The following YAP1 variants were observed in gnomAD, a reference collection of about 807,000 sequenced individuals.
YAP1 encodes Yes1 associated transcriptional regulator.
A neutral mutation model predicts 56.9 loss-of-function variants in YAP1; 5 were observed. The observed-to-expected ratio is 0.09, with a 90% confidence interval of 0.05 to 0.18. The LOEUF is 0.18. Ranked by LOEUF, YAP1 falls within the 10% of genes least tolerant of loss-of-function variation. YAP1 has a pLI of 1.00. For synonymous variants in YAP1, 265 were observed against 248.1 expected (o/e 1.07, Z -0.64); for missense variants, 539 against 651.8 (o/e 0.83, Z 1.88).
In YAP1 at chr11:102,230,692, G is replaced by C. The variant is rs529590110; in HGVS notation, c.*752G>C. On this transcript the variant is annotated 3_prime_UTR_variant, in exon 9 of 9. Coordinates refer to ENST00000282441, the MANE Select transcript of YAP1 (RefSeq NM_001130145.3). ...TTTTTTTGTTTTTGGCAGGGTCGGT[G>C]GGGGGGTTGGTTGGTTGGTTGGTTT... 6.6e-6 allele frequency: 1 copy of C among 152,326 alleles called. No homozygotes were observed. The highest frequency in any genetic ancestry group is 2.4e-5 in the African/African-American group (1 of 41,450). 9.4% of individuals were successfully genotyped at this position (152,326 alleles called of 1,614,324 possible). A position where few individuals can be genotyped will look rare whatever the true frequency, so the allele number is the denominator to read the frequency against.
At chr11:102,181,913 C>T (rs1947648634) in intron 3 of YAP1, among the ~76,000 whole-genome samples, 1 of 152,170 alleles carries the variant, frequency 6.6e-6, no homozygotes, top group African/African-American at 2.4e-5. Flanking sequence ...CTCCACCTCC[C>T]AGATTCAAGT....
At chr11:102,128,733 C>T (rs1463215605) in intron 2 of YAP1, among the ~76,000 whole-genome samples, 1 of 152,178 alleles carries the variant, frequency 6.6e-6, no homozygotes, top group African/African-American at 2.4e-5. Context: ...GAATTTTGTT[C>T]AGAAGGTTTG....
chr11:102,147,177 C>G (rs1036248421), intron 2 of YAP1, among the ~76,000 whole-genome samples: 3 of 152,194 alleles, frequency 2.0e-5, no homozygotes, highest in Non-Finnish European at 4.4e-5. Flanking sequence ...CACGTAACCA[C>G]TGTTATATAC....
chr11:102,187,843 C>T (rs1171549573), intron 4 of YAP1, among the ~76,000 whole-genome samples: 1 of 152,162 alleles, frequency 6.6e-6, no homozygotes, highest in Non-Finnish European at 1.5e-5. Context: ...CACAGGCATA[C>T]AGTTAGATGT....
intron 6 of YAP1, among the ~76,000 whole-genome samples, chr11:102,213,782 A>C (rs1949531281): frequency 6.6e-6 from 1 of 152,082 alleles, no homozygotes. Context: ...AAGTGCCCTT[A>C]TGAGAATTCT....
intron 4 of YAP1, among the ~76,000 whole-genome samples, chr11:102,190,222 A>T (rs1364348240): frequency 6.6e-6 from 1 of 152,198 alleles, no homozygotes; most frequent in Non-Finnish European, 1.5e-5. Flanking sequence ...TATCAACTCA[A>T]GTCTTTCCTG....
chr11:102,174,124 T>C (rs891814802), intron 3 of YAP1, among the ~76,000 whole-genome samples: 1 of 152,226 alleles, frequency 6.6e-6, no homozygotes, highest in Non-Finnish European at 1.5e-5. Flanking sequence ...TAGAATACTG[T>C]TGAATGGCTT....
chr11:102,114,812 A>T (rs1463776234), intron 2 of YAP1, among the ~76,000 whole-genome samples: 1 of 152,208 alleles, frequency 6.6e-6, no homozygotes, highest in Non-Finnish European at 1.5e-5. Context: ...TAAATATTTT[A>T]TTGGTAGAGA....
At chr11:102,177,784 A>G (rs1273557394) in intron 3 of YAP1, among the ~76,000 whole-genome samples, 2 of 152,186 alleles carry the variant, frequency 1.3e-5, no homozygotes, top group African/African-American at 2.4e-5. Flanking sequence ...TGAAGTGTCA[A>G]ATGTCCAGTT....
intron 2 of YAP1, among the ~76,000 whole-genome samples, chr11:102,162,255 T>G (rs1487786996): frequency 6.6e-6 from 1 of 152,168 alleles, no homozygotes; most frequent in Non-Finnish European, 1.5e-5. Flanking sequence ...GTTGCACTTG[T>G]AAGATCTAAG....
At position 102,199,431 on chromosome 11, in the gene YAP1, G is replaced by A. The variant is rs192916830; in HGVS notation, c.803-6462G>A. On this transcript the variant is annotated intron_variant, in intron 4 of 8. Coordinates refer to ENST00000282441, the MANE Select transcript of YAP1 (RefSeq NM_001130145.3). ...GTCCCAAAAATTGTTGGCTTTTTTC[G>A]TATCCATTGCCCTATAAAATAATAA... Among the ~76,000 whole-genome samples the A allele has an allele frequency of 3.7e-3, 565 of 152,140 alleles. 5 individuals are homozygous for A. The highest frequency in any genetic ancestry group is 0.01 in the Middle Eastern group (3 of 294).
chr11:102,208,302 C>T (rs544371837), intron 5 of YAP1, among the ~76,000 whole-genome samples: 1 of 152,288 alleles, frequency 6.6e-6, no homozygotes, highest in South Asian at 2.1e-4. Flanking sequence ...ATCTGGAACT[C>T]ACTTGGTTAT....
chr11:102,212,487 T>C (rs1949449708), intron 6 of YAP1, among the ~76,000 whole-genome samples: 6 of 152,250 alleles, frequency 3.9e-5, no homozygotes, highest in Admixed American at 3.3e-4. Flanking sequence ...CTTAGTTAAA[T>C]ATGGAAATTA....
chr11:102,173,239 C>T (rs1275093957), intron 3 of YAP1, among the ~76,000 whole-genome samples: 1 of 152,064 alleles, frequency 6.6e-6, no homozygotes, highest in Non-Finnish European at 1.5e-5. Context: ...CCTCTAATAC[C>T]ATATTGCTAG....
chr11:102,159,353 T>G (rs1483888970), intron 2 of YAP1, among the ~76,000 whole-genome samples: 3 of 152,248 alleles, frequency 2.0e-5, no homozygotes, highest in Non-Finnish European at 2.9e-5. Context: ...TTCCCTAAGC[T>G]GATAGCTCTC....
At chr11:102,213,422 G>A (rs1949508377) in intron 6 of YAP1, among the ~76,000 whole-genome samples, 1 of 152,190 alleles carries the variant, frequency 6.6e-6, no homozygotes. Flanking sequence ...GGAGGCAGAG[G>A]TTGCAGTGAG....
In YAP1 at chr11:102,110,822, G is replaced by T; in HGVS notation, c.-27G>T. 7.3e-7 allele frequency: 1 copy of T among 1,374,010 alleles called. No homozygotes were observed. The highest frequency in any genetic ancestry group is 9.4e-7 in the Non-Finnish European group (1 of 1,065,008). 85.1% of individuals were successfully genotyped at this position (1,374,010 alleles called of 1,614,324 possible). On this transcript the variant is annotated 5_prime_UTR_variant, in exon 1 of 9. Transcript: ENST00000282441. ...GTAGCCCTCGCTCGCCTGGGTCAGG[G>T]GGTGCGCGTCGGGGGAGGCAGAAGC...
intron 7 of YAP1, among the ~76,000 whole-genome samples, chr11:102,224,912 G>A (rs931346616): frequency 3.9e-5 from 6 of 152,136 alleles, no homozygotes; most frequent in Admixed American, 2.0e-4. Context: ...TACCTGTCTT[G>A]TTGAAGGGGC....
chr11:102,151,021 AAATGCCTGACCCCGTGGTTGCTGGTCTCG>A (rs1015411300), intron 2 of YAP1, among the ~76,000 whole-genome samples: 3 of 151,394 alleles, frequency 2.0e-5, no homozygotes, highest in Non-Finnish European at 4.4e-5. Flanking sequence ...GGCTGGTCTC[AAATGCCTGACCCCGTGGTTGCTGGTCTCG>A]AATGCCTGAC....
Sources: gnomAD v4.1 joint callset for allele counts (sites outside exome capture counted in the v4.1 genomes callset) on GRCh38, gnomAD v4.1.1 for gene constraint, MANE v1.5 for transcripts, NCBI Gene and HGNC (gene_info 2026-07-23, HGNC 2026-07-21) for gene names.